Variants in SOX5 observed in about 807,000 individuals in gnomAD.
SOX5 encodes the protein transcription factor SOX-5.
Under a neutral mutation model 92.0 loss-of-function variants are expected in SOX5, and 9 were observed. The ratio of observed to expected loss-of-function variants is 0.10; its 90% CI spans 0.06 to 0.17. The LOEUF (loss-of-function observed/expected upper bound fraction) is 0.17. SOX5 is among the 10% of genes least tolerant of loss of function. The pLI, the probability that SOX5 is intolerant of heterozygous loss-of-function variation, is 1.00. For synonymous variants in SOX5, 344 were observed against 336.3 expected, an observed-to-expected ratio of 1.02 and a Z score of -0.25; for missense variants, 642 against 944.5, an observed-to-expected ratio of 0.68 and a Z score of 4.20.
chr12:23,661,263 TACAGA>T (rs2083009212), intron 7 of SOX5, among the ~76,000 whole-genome samples: 1 of 151,984 alleles, frequency 6.6e-6, no homozygotes, highest in African/African-American at 2.4e-5. Context: ...TTTATACCCA[TACAGA>T]AAAGACAGGG....
At chr12:23,844,184 C>T (rs919830022) in intron 3 of SOX5, among the ~76,000 whole-genome samples, 2 of 152,178 alleles carry the variant, frequency 1.3e-5, no homozygotes, top group African/African-American at 2.4e-5. Flanking sequence ...CTCTTGATTG[C>T]GTGGCTGACT....
intron 4 of SOX5, among the ~76,000 whole-genome samples, chr12:23,956,778 T>C (rs1946342641): frequency 6.6e-6 from 1 of 152,030 alleles, no homozygotes; most frequent in East Asian, 1.9e-4. Flanking sequence ...CTCCACCTCC[T>C]GGGTTCAAGT....
intron 3 of SOX5, among the ~76,000 whole-genome samples, chr12:23,838,849 G>C (rs1246989507): frequency 9.5e-6 from 1 of 105,686 alleles, no homozygotes; most frequent in African/African-American, 3.3e-5. Flanking sequence ...TTTTTGGGGG[G>C]GGGGGGCGGG....
chr12:24,434,989 G>A (rs1364824205), intron 1 of SOX5, among the ~76,000 whole-genome samples: 5 of 152,146 alleles, frequency 3.3e-5, no homozygotes, highest in South Asian at 2.1e-4. Flanking sequence ...ACTGTCTCAC[G>A]TAAAAGAATG....
intron 4 of SOX5, among the ~76,000 whole-genome samples, chr12:24,178,926 GA>G: frequency 6.6e-6 from 1 of 152,292 alleles, no homozygotes; most frequent in East Asian, 1.9e-4. Context: ...CAGATAGATA[GA>G]AACAGAATTG....
intron 3 of SOX5, among the ~76,000 whole-genome samples, chr12:24,269,523 C>G (rs549417308): frequency 2.0e-5 from 3 of 151,962 alleles, no homozygotes; most frequent in Non-Finnish European, 2.9e-5. Context: ...TTCAACTAAG[C>G]CTTTTTGTGA....
At chr12:24,396,245 G>C (rs1164522080) in intron 1 of SOX5, among the ~76,000 whole-genome samples, 1 of 152,178 alleles carries the variant, frequency 6.6e-6, no homozygotes, top group African/African-American at 2.4e-5. Flanking sequence ...TTAATTCTCA[G>C]CTGCCTGCTC....
At chr12:23,754,368 A>C (rs2094295760) in intron 4 of SOX5, among the ~76,000 whole-genome samples, 1 of 151,862 alleles carries the variant, frequency 6.6e-6, no homozygotes, top group African/African-American at 2.4e-5. Flanking sequence ...GTTAAAATCC[A>C]TCAAAATAAT....
intron 4 of SOX5, among the ~76,000 whole-genome samples, chr12:24,111,463 G>A (rs985082961): frequency 6.6e-6 from 1 of 151,952 alleles, no homozygotes; most frequent in Non-Finnish European, 1.5e-5. Flanking sequence ...TGAAATGAAA[G>A]GTAATACTGT....
At chr12:24,441,729 G>T (rs528317026) in intron 1 of SOX5, among the ~76,000 whole-genome samples, 1 of 152,154 alleles carries the variant, frequency 6.6e-6, no homozygotes, top group Non-Finnish European at 1.5e-5. Flanking sequence ...ATAATTAAGT[G>T]TTCTGAAGCA....
chr12:23,538,656 TTCAGA>T (rs895617003), intron 13 of SOX5, among the ~76,000 whole-genome samples: 32 of 152,262 alleles, frequency 2.1e-4, no homozygotes, highest in African/African-American at 7.5e-4. Flanking sequence ...TTTTTTGAAC[TTCAGA>T]TCAGGGAGTG....
At chr12:24,123,896 C>T (rs994378586) in intron 4 of SOX5, among the ~76,000 whole-genome samples, 10 of 152,154 alleles carry the variant, frequency 6.6e-5, no homozygotes, top group Non-Finnish European at 8.8e-5. Context: ...GCTTGGTAGG[C>T]GATCCCAATC....
chr12:23,717,165 CA>C (rs1180173233), intron 6 of SOX5, among the ~76,000 whole-genome samples: 1 of 152,104 alleles, frequency 6.6e-6, no homozygotes, highest in Non-Finnish European at 1.5e-5. Context: ...AGCACTGTTT[CA>C]AAAAATATTT....
At chr12:23,657,355 T>G (rs1483223375) in intron 7 of SOX5, among the ~76,000 whole-genome samples, 1 of 152,204 alleles carries the variant, frequency 6.6e-6, no homozygotes, top group Admixed American at 6.5e-5. Context: ...TCCAAATTAA[T>G]GCAGCATCCT....
rs1396204 is a variant in SOX5 at position 24,393,946 on chromosome 12, C to T, written c.-250-25307G>A. On this transcript the variant is annotated intron_variant, in intron 1 of 4. Transcript: ENST00000446891. This position sits in a 1 kb window ranked among gnomAD's most constrained non-coding sequence, Gnocchi z 5.0. ...AAGATGGCAAAATATTCTTAAAATA[C>T]CCTGCGTGGGGAAAAATAAAACCGT... Among the ~76,000 whole-genome samples, 61,071 of 151,992 alleles carry T rather than the reference C, an allele frequency of 0.4. 13,395 individuals carry two copies. Among genetic ancestry groups the T allele is most frequent in the African/African-American group, 0.61 (25,101 of 41,456 alleles).
chr12:24,554,924 C>A (rs569120765), intron 1 of SOX5, among the ~76,000 whole-genome samples: 125 of 152,292 alleles, frequency 8.2e-4, no homozygotes, highest in Admixed American at 3.3e-3. Context: ...TGCAATGCCA[C>A]CAGCTCCTCT....
At chr12:24,440,096 G>A (rs920292329) in intron 1 of SOX5, among the ~76,000 whole-genome samples, 2 of 152,140 alleles carry the variant, frequency 1.3e-5, no homozygotes, top group African/African-American at 4.8e-5. Context: ...TGAAGAATGA[G>A]GAGAAGGGGG....
chr12:24,411,139 G>A (rs35023172), intron 1 of SOX5, among the ~76,000 whole-genome samples: 16,008 of 151,108 alleles, frequency 0.11, 1,020 homozygotes, highest in South Asian at 0.17. Flanking sequence ...ACTGACTTTC[G>A]TATGTTTATA....
chr12:23,612,142 A>G (rs2076044204), intron 8 of SOX5, among the ~76,000 whole-genome samples: 1 of 152,052 alleles, frequency 6.6e-6, no homozygotes, highest in Admixed American at 6.6e-5. Context: ...GTGTAATCTC[A>G]TATCAAACAC....
Sources: gnomAD v4.1 joint callset for allele counts (sites outside exome capture counted in the v4.1 genomes callset) on GRCh38, gnomAD v4.1.1 for gene constraint, Gnocchi (gnomAD v3.1) non-coding constraint, MANE v1.5 for transcripts, NCBI Gene and HGNC (gene_info 2026-07-23, HGNC 2026-07-21) for gene names.